Variants in TAFA2 observed in about 807,000 individuals in gnomAD.
The protein encoded by TAFA2 is TAFA chemokine like family member 2, also known as chemokine-like protein TAFA-2.
Under a neutral mutation model 18.8 loss-of-function variants are expected in TAFA2, and 7 were observed. That is an observed-to-expected ratio of 0.37 (90% CI 0.21 to 0.70). The LOEUF (loss-of-function observed/expected upper bound fraction) is 0.70. Ranked by LOEUF, TAFA2 falls within the 30% of genes least tolerant of loss-of-function variation. TAFA2 has a pLI of 0.53. For synonymous variants in TAFA2, 60 were observed against 54.2 expected (o/e 1.11, Z -0.47); for missense variants, 122 against 158.1 (o/e 0.77, Z 1.23).
intron 1 of TAFA2, among the ~76,000 whole-genome samples, chr12:62,201,586 G>A (rs961846500): frequency 1.3e-5 from 2 of 152,228 alleles, no homozygotes; most frequent in African/African-American, 2.4e-5. Flanking sequence ...CAGGGATGAA[G>A]ACAACTTGAT....
intron 1 of TAFA2, among the ~76,000 whole-genome samples, chr12:61,904,787 A>C (rs554666557): frequency 6.6e-6 from 1 of 152,260 alleles, no homozygotes; most frequent in South Asian, 2.1e-4. Flanking sequence ...ATCATACTCT[A>C]ATTATTGATT....
intron 1 of TAFA2, among the ~76,000 whole-genome samples, chr12:61,925,916 G>GT (rs1223833377): frequency 1.1e-4 from 16 of 152,112 alleles, no homozygotes; most frequent in Middle Eastern, 3.2e-3. Flanking sequence ...CCAGGAGCTG[G>GT]TTTTTTGAAA....
At chr12:61,756,868 G>A (rs1175428633) in intron 2 of TAFA2, among the ~76,000 whole-genome samples, 1 of 152,008 alleles carries the variant, frequency 6.6e-6, no homozygotes, top group East Asian at 1.9e-4. Context: ...ACAAATATTA[G>A]AGCAGCAAAT....
intron 1 of TAFA2, among the ~76,000 whole-genome samples, chr12:62,247,314 A>G (rs537759606): frequency 6.6e-6 from 1 of 152,314 alleles, no homozygotes; most frequent in South Asian, 2.1e-4. Flanking sequence ...GTGTAGTATT[A>G]AAGTTATAGA....
At position 61,791,230 on chromosome 12, in the gene TAFA2, G is replaced by T. The variant is rs1279480692; in HGVS notation, c.107-36206C>A. Among the ~76,000 whole-genome samples, 3 of 151,738 alleles carry T rather than the reference G, an allele frequency of 2.0e-5. 1 individual carries two copies. Among genetic ancestry groups the T allele is most frequent in the African/African-American group, 7.3e-5 (3 of 41,362 alleles). On this transcript the variant is annotated intron_variant, in intron 2 of 4. Coordinates refer to ENST00000416284, the MANE Select transcript of TAFA2 (RefSeq NM_178539.5). ...GAAAATGGATTAAAGACTTAAATAT[G>T]AGACCTGAAACTATAAAACTGCTAG...
chr12:62,125,022 C>T (rs1467264081), intron 1 of TAFA2, among the ~76,000 whole-genome samples: 1 of 152,080 alleles, frequency 6.6e-6, no homozygotes. Context: ...AGGAACCCAA[C>T]CAAGTCAACT....
At chr12:61,871,702 C>G (rs1194559675) in intron 1 of TAFA2, among the ~76,000 whole-genome samples, 1 of 152,164 alleles carries the variant, frequency 6.6e-6, no homozygotes, top group Non-Finnish European at 1.5e-5. Flanking sequence ...CCTGGACTTT[C>G]TCCCACTCTT....
chr12:62,160,755 C>A (rs889996360), intron 1 of TAFA2, among the ~76,000 whole-genome samples: 1 of 152,144 alleles, frequency 6.6e-6, no homozygotes, highest in Non-Finnish European at 1.5e-5. Context: ...TTTCCTCCCA[C>A]GTTCTATACC....
At chr12:61,804,864 A>G (rs1871544866) in intron 2 of TAFA2, among the ~76,000 whole-genome samples, 1 of 152,054 alleles carries the variant, frequency 6.6e-6, no homozygotes, top group South Asian at 2.1e-4. Flanking sequence ...CTCATAATCA[A>G]GAGAATCATG....
chr12:62,111,353 T>G (rs1004614180), intron 1 of TAFA2, among the ~76,000 whole-genome samples: 1 of 152,252 alleles, frequency 6.6e-6, no homozygotes, highest in African/African-American at 2.4e-5. Context: ...TCTGAGAGAT[T>G]GTTTGTTATG....
chr12:62,153,607 C>G (rs559813347), intron 1 of TAFA2, among the ~76,000 whole-genome samples: 1 of 151,904 alleles, frequency 6.6e-6, no homozygotes, highest in South Asian at 2.1e-4. Flanking sequence ...GAGTTTGAGG[C>G]CACAGTCAGC....
chr12:61,910,519 G>A (rs1036032253), intron 1 of TAFA2, among the ~76,000 whole-genome samples: 1 of 152,098 alleles, frequency 6.6e-6, no homozygotes, highest in South Asian at 2.1e-4. Context: ...TTGACTCCAA[G>A]ATAAACATAA....
chr12:61,964,199 T>G (rs1221262251), intron 1 of TAFA2, among the ~76,000 whole-genome samples: 2 of 151,850 alleles, frequency 1.3e-5, no homozygotes, highest in Admixed American at 6.6e-5. Flanking sequence ...CAAAAGCAGT[T>G]GCAGCAAAAG....
At chr12:61,947,608 G>GA (rs138911371) in intron 1 of TAFA2, among the ~76,000 whole-genome samples, 17,811 of 152,004 alleles carry the variant, frequency 0.12, 1,101 homozygotes, top group East Asian at 0.22. Flanking sequence ...TCAGTTTGTT[G>GA]AAAAGCCCAC....
intron 1 of TAFA2, among the ~76,000 whole-genome samples, chr12:62,227,294 A>G (rs1336544154): frequency 6.6e-6 from 1 of 152,116 alleles, no homozygotes; most frequent in Non-Finnish European, 1.5e-5. Flanking sequence ...TCCCCCAAAA[A>G]GCCTGCTCTG....
intron 2 of TAFA2, among the ~76,000 whole-genome samples, chr12:61,834,205 A>G (rs757372127): frequency 5.3e-5 from 8 of 151,976 alleles, no homozygotes; most frequent in South Asian, 2.1e-4. Context: ...TTCTGCCCCA[A>G]TCTCCACCGT....
intron 2 of TAFA2, among the ~76,000 whole-genome samples, chr12:61,862,823 T>C (rs1239932090): frequency 6.6e-6 from 1 of 152,212 alleles, no homozygotes; most frequent in South Asian, 2.1e-4. Flanking sequence ...ATTTAAAAAT[T>C]ATATTCCCTC....
intron 1 of TAFA2, among the ~76,000 whole-genome samples, chr12:62,155,868 C>G (rs979362463): frequency 1.3e-5 from 2 of 152,192 alleles, no homozygotes; most frequent in African/African-American, 2.4e-5. Context: ...AAAAACCCTT[C>G]TAGACATTGG....
At chr12:61,908,607 A>C (rs1162396516) in intron 1 of TAFA2, among the ~76,000 whole-genome samples, 3 of 152,300 alleles carry the variant, frequency 2.0e-5, no homozygotes, top group Middle Eastern at 3.4e-3. Context: ...CAAAGAATAT[A>C]GATTTTTAAA....
Sources: gnomAD v4.1 joint callset for allele counts (sites outside exome capture counted in the v4.1 genomes callset) on GRCh38, gnomAD v4.1.1 for gene constraint, MANE v1.5 for transcripts, NCBI Gene and HGNC (gene_info 2026-07-23, HGNC 2026-07-21) for gene names.